B3GALT1: variants seen among roughly 807,000 people sequenced by gnomAD.
B3GALT1 encodes the protein UDP-Gal:betaGlcNAc beta 1,3-galactosyltransferase, polypeptide 1.
Under a neutral mutation model 23.2 loss-of-function variants are expected in B3GALT1, and 10 were observed. That is an observed-to-expected ratio of 0.43 (90% confidence interval 0.27 to 0.73). The LOEUF is 0.73. B3GALT1 is among the 30% of genes least tolerant of loss of function. B3GALT1 has a pLI of 0.21. For synonymous variants in B3GALT1, 156 were observed against 141.5 expected (o/e 1.10, Z -0.73); for missense variants, 299 against 405.4 (o/e 0.74, Z 2.25).
At chr2:167,445,554 T>C (rs557547125) in intron 1 of B3GALT1, among the ~76,000 whole-genome samples, 1 of 152,350 alleles carries the variant, frequency 6.6e-6, no homozygotes, top group South Asian at 2.1e-4. Context: ...TGCTCCTGTA[T>C]TGGGTGCATA....
chr2:167,394,598 A>C (rs2105285079), intron 1 of B3GALT1, among the ~76,000 whole-genome samples: 1 of 152,164 alleles, frequency 6.6e-6, no homozygotes, highest in South Asian at 2.1e-4. Context: ...TTGATGTGGG[A>C]GCATTTTAAT....
chr2:167,325,552 C>T (rs1022724586), intron 1 of B3GALT1, among the ~76,000 whole-genome samples: 1 of 152,010 alleles, frequency 6.6e-6, no homozygotes, highest in African/African-American at 2.4e-5. Flanking sequence ...ATGATCCAGT[C>T]ACCTCCCACC....
At chr2:167,551,112 C>T (rs759276748) in intron 2 of B3GALT1, among the ~76,000 whole-genome samples, 2 of 133,488 alleles carry the variant, frequency 1.5e-5, no homozygotes, top group Non-Finnish European at 3.0e-5. Flanking sequence ...TCCATTTGCC[C>T]ATCTGCCAGA....
chr2:167,334,982 A>G (rs1417116248), intron 1 of B3GALT1, among the ~76,000 whole-genome samples: 2 of 152,106 alleles, frequency 1.3e-5, no homozygotes, highest in Non-Finnish European at 1.5e-5. Flanking sequence ...TCGATTTTCT[A>G]TTGAAGCTGT....
intron 1 of B3GALT1, among the ~76,000 whole-genome samples, chr2:167,416,409 A>G (rs1407715126): frequency 6.6e-6 from 1 of 152,262 alleles, no homozygotes; most frequent in Non-Finnish European, 1.5e-5. Context: ...GCTTGCAGAA[A>G]GAAAGAGTTG....
chr2:167,563,904 G>GA (rs745728893), intron 2 of B3GALT1, among the ~76,000 whole-genome samples: 1 of 126,418 alleles, frequency 7.9e-6, no homozygotes, highest in African/African-American at 3.2e-5. Flanking sequence ...GCCGGGCGGG[G>GA]CCGATCCCCC....
intron 2 of B3GALT1, among the ~76,000 whole-genome samples, chr2:167,516,196 A>G (rs921892914): frequency 5.9e-5 from 9 of 152,074 alleles, no homozygotes; most frequent in African/African-American, 1.7e-4. Flanking sequence ...TTTTTCTGCT[A>G]AGAGATATTT....
chr2:167,497,001 A>G (rs201446463), intron 2 of B3GALT1, among the ~76,000 whole-genome samples: 1 of 152,186 alleles, frequency 6.6e-6, no homozygotes, highest in African/African-American at 2.4e-5. Context: ...ACATGTATAC[A>G]TATGTAACAA....
intron 3 of B3GALT1, among the ~76,000 whole-genome samples, chr2:167,774,628 G>T (rs1688131140): frequency 1.3e-5 from 2 of 151,254 alleles, no homozygotes; most frequent in Admixed American, 1.3e-4. Context: ...CTCCTGAGTA[G>T]CTGGGATTAC....
intron 2 of B3GALT1, among the ~76,000 whole-genome samples, chr2:167,564,749 A>G (rs1251018068): frequency 2.0e-5 from 3 of 152,250 alleles, no homozygotes; most frequent in Non-Finnish European, 4.4e-5. Flanking sequence ...GTGAACTCCC[A>G]TTCACAATTG....
rs1219101813 is a variant in B3GALT1, at chr2:167,718,455, A to G, written c.-352+71489A>G. On this transcript the variant is annotated intron_variant, in intron 3 of 4. Transcript: ENST00000392690. ...TTGAGTGTCAATATTAGTTTTTGCA[A>G]TCACTAAGTTTTAAGTGTAGAATAG... Among the ~76,000 whole-genome samples, 7 of 152,312 alleles carry G rather than the reference A, an allele frequency of 4.6e-5. No individual in the cohort carries two copies. In the East Asian group the frequency reaches 1.3e-3, roughly 29 times the overall value.
At chr2:167,416,498 G>A (rs1303929990) in intron 1 of B3GALT1, among the ~76,000 whole-genome samples, 1 of 152,200 alleles carries the variant, frequency 6.6e-6, no homozygotes, top group African/African-American at 2.4e-5. Flanking sequence ...CTTGTCACAG[G>A]GGCAAGGCCC....
intron 1 of B3GALT1, among the ~76,000 whole-genome samples, chr2:167,383,716 A>T (rs746064826): frequency 1.3e-5 from 2 of 152,206 alleles, no homozygotes; most frequent in Non-Finnish European, 2.9e-5. Flanking sequence ...CTAGATACTT[A>T]GTCTGGCTGG....
At chr2:167,367,716 C>A (rs1488952303) in intron 1 of B3GALT1, among the ~76,000 whole-genome samples, 2 of 152,036 alleles carry the variant, frequency 1.3e-5, no homozygotes, top group Non-Finnish European at 2.9e-5. Context: ...GGAATTTGAT[C>A]AAAAATTTGA....
chr2:167,525,776 T>A (rs944096734), intron 2 of B3GALT1, among the ~76,000 whole-genome samples: 8 of 147,404 alleles, frequency 5.4e-5, no homozygotes, highest in Non-Finnish European at 1.1e-4. Flanking sequence ...CCTGGCTAAT[T>A]TTTTTTTTTT....
chr2:167,319,731 A>G (rs762363732), intron 1 of B3GALT1, among the ~76,000 whole-genome samples: 5 of 152,132 alleles, frequency 3.3e-5, no homozygotes, highest in Non-Finnish European at 7.4e-5. Flanking sequence ...TTCCTTAGAC[A>G]TAGATACTTA....
intron 1 of B3GALT1, among the ~76,000 whole-genome samples, chr2:167,356,851 C>A (rs1054114186): frequency 6.6e-6 from 1 of 151,824 alleles, no homozygotes; most frequent in Non-Finnish European, 1.5e-5. Context: ...ATAATTGAGT[C>A]AAGCGTCATT....
At chr2:167,659,373 T>G (rs555323856) in intron 3 of B3GALT1, among the ~76,000 whole-genome samples, 1 of 152,208 alleles carries the variant, frequency 6.6e-6, no homozygotes, top group African/African-American at 2.4e-5. Flanking sequence ...TATTTATTAT[T>G]AGGAGCCTTT....
At chr2:167,448,273 A>T (rs775816535) in intron 1 of B3GALT1, among the ~76,000 whole-genome samples, 4 of 152,062 alleles carry the variant, frequency 2.6e-5, no homozygotes, top group African/African-American at 7.3e-5. Flanking sequence ...CACCACATCT[A>T]TGCCGACATC....
Sources: gnomAD v4.1 joint callset for allele counts (sites outside exome capture counted in the v4.1 genomes callset) on GRCh38, gnomAD v4.1.1 for gene constraint, MANE v1.5 for transcripts, NCBI Gene and HGNC (gene_info 2026-07-23, HGNC 2026-07-21) for gene names.